ACBD5: variants seen among roughly 807,000 people sequenced by gnomAD.
ACBD5 encodes acyl-CoA-binding domain-containing protein 5.
A neutral mutation model predicts 71.8 loss-of-function variants in ACBD5; 40 were observed. The observed-to-expected ratio is 0.56, with a 90% confidence interval of 0.43 to 0.72. ACBD5 has a LOEUF of 0.72. Among genes scored for constraint, ACBD5 ranks in the 30% least tolerant of loss-of-function variants. The pLI is 0.00. For synonymous variants in ACBD5, 229 were observed against 218.6 expected (o/e 1.05, Z -0.42); for missense variants, 559 against 644.5 (o/e 0.87, Z 1.44).
At chr10:27,241,688 G>C (rs866085457), upstream of ACBD5, among the ~76,000 whole-genome samples, 1 of 151,812 alleles carries the variant, frequency 6.6e-6, no homozygotes, top group African/African-American at 2.4e-5. Flanking sequence ...GCAACATGGC[G>C]ATACCCTGGC....
At chr10:27,227,621 C>G (rs1167509998) in intron 4 of ACBD5, among the ~76,000 whole-genome samples, 2 of 152,114 alleles carry the variant, frequency 1.3e-5, no homozygotes, top group African/African-American at 4.8e-5. Context: ...AAAAGCCAAC[C>G]CTCAGTACTC....
At position 27,235,225 on chromosome 10, in the gene ACBD5, C is replaced by T. The variant is rs1282972444; in HGVS notation, c.182-13G>A. On this transcript the variant is annotated splice_polypyrimidine_tract_variant and intron_variant, in intron 2 of 12. Coordinates refer to ENST00000396271, the MANE Select transcript of ACBD5 (RefSeq NM_145698.5). ...GGCTGGAATGAACCTGTTGGAAACA[C>T]ACATTAAATACAAATCACCTGGGGA... The T allele has an allele frequency of 6.2e-7, 1 of 1,613,548 alleles. No individual in the cohort carries two copies. Among genetic ancestry groups the T allele is most frequent in the Non-Finnish European group, 8.5e-7 (1 of 1,179,808 alleles).
chr10:27,196,145 A>G lies in ACBD5; in HGVS notation c.*1285T>C, dbSNP rs1275287308. 1 of 452,788 alleles carries G rather than the reference A, an allele frequency of 2.2e-6. No individual in the cohort carries two copies. The highest frequency in any genetic ancestry group is 4.4e-6 in the Non-Finnish European group (1 of 226,338). The allele number at this position is 452,788 out of a possible 1,614,324, so 28.0% of individuals were successfully genotyped here. A position where few individuals can be genotyped will look rare whatever the true frequency, so the allele number is the denominator to read the frequency against. On this transcript the variant is annotated 3_prime_UTR_variant, in exon 13 of 13. Coordinates refer to ENST00000396271, the MANE Select transcript of ACBD5 (RefSeq NM_145698.5). ...AACCCAGGAGGTGGAAGTTGCAGTGAGCCAAGATCACGCCATTGCCCTCCA... is the reference window on the plus strand; with the variant it reads ...AACCCAGGAGGTGGAAGTTGCAGTGGGCCAAGATCACGCCATTGCCCTCCA...
Position 27,196,613 on chromosome 10 carries a change from C to A in ACBD5, c.*817G>T, listed in dbSNP as rs1374791437. 2.2e-6 allele frequency: 1 copy of A among 454,118 alleles called. No homozygotes were observed. The highest frequency in any genetic ancestry group is 2.4e-5 in the Admixed American group (1 of 42,462). The allele number at this position is 454,118 out of a possible 1,614,324, so 28.1% of individuals were successfully genotyped here. A position where few individuals can be genotyped will look rare whatever the true frequency, so the allele number is the denominator to read the frequency against. On this transcript the variant is annotated 3_prime_UTR_variant, in exon 13 of 13. Coordinates refer to ENST00000396271, the MANE Select transcript of ACBD5 (RefSeq NM_145698.5). Reference sequence around the variant, plus strand: ...TAAGTTTTCATTTTATATTTCAAAGCACCCTATGAAGCAGACACTAGATAT... The same window carrying A: ...TAAGTTTTCATTTTATATTTCAAAGAACCCTATGAAGCAGACACTAGATAT...
chr10:27,186,032 T>C (rs1476856075), intron 13 of ACBD5, among the ~76,000 whole-genome samples: 1 of 152,176 alleles, frequency 6.6e-6, no homozygotes, highest in African/African-American at 2.4e-5. Flanking sequence ...GCGGTTGCAG[T>C]GAGCAGAGAT....
intron 4 of ACBD5, among the ~76,000 whole-genome samples, chr10:27,227,910 A>C (rs1463463719): frequency 6.6e-6 from 1 of 151,736 alleles, no homozygotes; most frequent in African/African-American, 2.4e-5. Context: ...ATGGAGTTTC[A>C]CCATGTTGTC....
chr10:27,235,022 T>G (rs2064461107), intron 3 of ACBD5, 70 bp downstream of exon 3: 2 of 1,463,002 alleles, frequency 1.4e-6, no homozygotes, highest in Non-Finnish European at 1.9e-6. Flanking sequence ...TATAACCACT[T>G]AAGTAATAGC....
intron 9 of ACBD5, among the ~76,000 whole-genome samples, chr10:27,210,379 A>T (rs777030615): frequency 6.6e-6 from 1 of 152,178 alleles, no homozygotes; most frequent in Non-Finnish European, 1.5e-5. Context: ...TGTTTTCAAG[A>T]CTTCTATTGT....
chr10:27,209,262 T>C (rs1224782932), intron 9 of ACBD5, among the ~76,000 whole-genome samples: 1 of 152,142 alleles, frequency 6.6e-6, no homozygotes, highest in African/African-American at 2.4e-5. Context: ...AAAGTTACAG[T>C]AAAGAGCTAC....
In ACBD5 at chr10:27,240,088, G is replaced by C. The variant is rs1169317469; in HGVS notation, c.181+231C>G. Among the ~76,000 whole-genome samples the C allele has an allele frequency of 1.3e-5, 2 of 152,198 alleles. No homozygotes were observed. Among genetic ancestry groups the C allele is most frequent in the Non-Finnish European group, 2.9e-5 (2 of 68,042 alleles). ...ACACACCCAAATCCGCAGTCATTAA[G>C]TGACAAGACTTTTGTTTTCAACAAT... On this transcript the variant is annotated intron_variant, in intron 2 of 12. Coordinates refer to ENST00000396271, the MANE Select transcript of ACBD5 (RefSeq NM_145698.5). This position sits in a 1 kb window ranked among gnomAD's most constrained non-coding sequence, Gnocchi z 4.1.
downstream of ACBD5, among the ~76,000 whole-genome samples, chr10:27,192,820 AT>A (rs2059131633): frequency 6.6e-6 from 1 of 151,870 alleles, no homozygotes; most frequent in South Asian, 2.1e-4. Flanking sequence ...AAATACAAAA[AT>A]TAGCCGGGCG....
chr10:27,195,563 A>G lies in ACBD5; in HGVS notation c.*1867T>C, dbSNP rs2059309629. On this transcript the variant is annotated 3_prime_UTR_variant, in exon 13 of 13. Coordinates refer to ENST00000396271, the MANE Select transcript of ACBD5 (RefSeq NM_145698.5). The stretch of plus-strand genomic sequence containing the variant: ...TTTACTGATACCAAATTGATATCTC[A>G]TTTTTGAAAATAATCTTTGATCCAC... The G allele has an allele frequency of 2.2e-6, 1 of 450,266 alleles. No individual in the cohort carries two copies. Among genetic ancestry groups the G allele is most frequent in the Non-Finnish European group, 4.4e-6 (1 of 225,502 alleles). The allele number at this position is 450,266 out of a possible 1,614,324, so 27.9% of individuals were successfully genotyped here.
Position 27,224,204 on chromosome 10 carries a change from A to C in ACBD5, c.376-752T>G, listed in dbSNP as rs1472012694. ...AACATAGTAAGGGCCCATTTCTACA[A>C]AAAAAAAAAAAAAAATTGTCTAATT... On this transcript the variant is annotated intron_variant, in intron 4 of 12. Coordinates refer to ENST00000396271, the MANE Select transcript of ACBD5 (RefSeq NM_145698.5). Among the ~76,000 whole-genome samples the C allele has an allele frequency of 2.4e-4, 18 of 75,940 alleles. No individual in the cohort carries two copies. The East Asian group carries it at 0.012, about 51-fold the overall frequency. 49.8% of individuals were successfully genotyped at this position (75,940 alleles called of 152,430 possible).
chr10:27,190,476 C>G (rs952254266), downstream of ACBD5, among the ~76,000 whole-genome samples: 1 of 152,130 alleles, frequency 6.6e-6, no homozygotes, highest in African/African-American at 2.4e-5. Flanking sequence ...CTACTGCCTC[C>G]TGGAATATGT....
At chr10:27,190,676 C>T (rs1301161902), downstream of ACBD5, among the ~76,000 whole-genome samples, 2 of 152,134 alleles carry the variant, frequency 1.3e-5, no homozygotes, top group Non-Finnish European at 2.9e-5. Flanking sequence ...CCAGGTCTTT[C>T]AATTAATACC....
intron 13 of ACBD5, among the ~76,000 whole-genome samples, chr10:27,189,769 AATATAT>A (rs71386921): frequency 3.8e-3 from 548 of 145,050 alleles, no homozygotes; most frequent in Non-Finnish European, 6.3e-3. Context: ...GTATAATAAA[AATATAT>A]ATATATATAT....
chr10:27,183,948 G>A (rs2058479008), intron 13 of ACBD5, among the ~76,000 whole-genome samples: 1 of 152,148 alleles, frequency 6.6e-6, no homozygotes, highest in African/African-American at 2.4e-5. Context: ...CTGGGCTCAA[G>A]CCATCCGCCC....
At chr10:27,213,880 C>T (rs1213225182) in intron 8 of ACBD5, among the ~76,000 whole-genome samples, 27 of 152,096 alleles carry the variant, frequency 1.8e-4, no homozygotes, top group Non-Finnish European at 1.5e-5. Flanking sequence ...ATGTTTATTG[C>T]AGCACTATTC....
At chr10:27,229,141 A>G (rs2800399) in intron 4 of ACBD5, among the ~76,000 whole-genome samples, 26,865 of 151,588 alleles carry the variant, frequency 0.18, 2,923 homozygotes, top group East Asian at 0.32. Flanking sequence ...TTTTTTATTC[A>G]ATCAACTTTC....
Sources: allele counts gnomAD v4.1 joint callset (sites outside exome capture counted in the v4.1 genomes callset), GRCh38; gene constraint gnomAD v4.1.1; non-coding constraint Gnocchi (gnomAD v3.1); transcripts MANE v1.5; gene names NCBI Gene and HGNC (gene_info 2026-07-23, HGNC 2026-07-21).